Variants in CFAP61 observed in about 807,000 individuals in gnomAD.
CFAP61 encodes cilia and flagella associated protein 61.
A neutral mutation model predicts 135.6 loss-of-function variants in CFAP61; 107 were observed. The observed-to-expected ratio is 0.79, with a 90% CI of 0.67 to 0.93. The LOEUF (loss-of-function observed/expected upper bound fraction) is 0.93. CFAP61 is among the 40% of genes least tolerant of loss of function. CFAP61 has a pLI of 0.00. For synonymous variants in CFAP61, 575 were observed against 578.5 expected, an observed-to-expected ratio of 0.99 and a Z score of 0.09; for missense variants, 1,507 against 1,556.2, an observed-to-expected ratio of 0.97 and a Z score of 0.53.
chr20:20,348,462 C>T (rs1458657538), intron 26 of CFAP61, among the ~76,000 whole-genome samples: 1 of 151,954 alleles, frequency 6.6e-6, no homozygotes, highest in Non-Finnish European at 1.5e-5. Context: ...CCAAGGCAGG[C>T]AGATCATTTG....
chr20:20,188,079 C>T (rs760443455), intron 14 of CFAP61, 23 bp downstream of exon 14: 6 of 1,613,262 alleles, frequency 3.7e-6, no homozygotes, highest in Non-Finnish European at 5.1e-6. Flanking sequence ...TGTGACCAGA[C>T]CTCAGGATAT....
chr20:20,063,669 A>T (rs919947530), intron 2 of CFAP61, among the ~76,000 whole-genome samples: 1 of 152,196 alleles, frequency 6.6e-6, no homozygotes, highest in Admixed American at 6.5e-5. Context: ...GTAAATGAGG[A>T]TGCCTGTTGT....
At chr20:20,248,053 T>C (rs1396440451) in intron 19 of CFAP61, among the ~76,000 whole-genome samples, 1 of 152,228 alleles carries the variant, frequency 6.6e-6, no homozygotes, top group Non-Finnish European at 1.5e-5. Flanking sequence ...ATTTTTGCCT[T>C]TTTATTCATT....
intron 6 of CFAP61, among the ~76,000 whole-genome samples, chr20:20,077,235 C>T (rs1213952023): frequency 6.6e-6 from 1 of 152,170 alleles, no homozygotes; most frequent in East Asian, 1.9e-4. Context: ...TGCTACTCAG[C>T]AATTCAGTGG....
At chr20:20,313,133 G>A (rs2056925611) in intron 25 of CFAP61, among the ~76,000 whole-genome samples, 1 of 152,152 alleles carries the variant, frequency 6.6e-6, no homozygotes. Flanking sequence ...GAGATCATAA[G>A]GATGGGACTC....
chr20:20,167,365 T>C (rs564597491), intron 12 of CFAP61, among the ~76,000 whole-genome samples: 1 of 152,350 alleles, frequency 6.6e-6, no homozygotes, highest in African/African-American at 2.4e-5. Flanking sequence ...CAATGTAGAT[T>C]ACCCTGAACA....
rs1490771531 is a variant in CFAP61, at chr20:20,298,383, A to G, written c.3419A>G (p.Tyr1140Cys). The G allele has an allele frequency of 3.1e-6, 5 of 1,612,934 alleles. No homozygotes were observed. The highest frequency in any genetic ancestry group is 3.4e-6 in the Non-Finnish European group (4 of 1,179,076). The change falls in exon 25 of 27, where the codon TAT becomes TGT. Residue 1140 changes from tyrosine (Y) to cysteine (C), a missense_variant. By Grantham distance (194) the Tyr-to-Cys change is radical. Coordinates refer to ENST00000245957, the MANE Select transcript of CFAP61 (RefSeq NM_015585.4). ...RYDENLITDL[Y>C]SYFTEPWCLA... ...GATGAAAACCTGATCACAGATCTCT[A>G]TAGGTGAGTTGGACATTGCATTTGA...
chr20:20,260,556 A>G (rs1198443876), intron 20 of CFAP61, among the ~76,000 whole-genome samples: 4 of 152,228 alleles, frequency 2.6e-5, no homozygotes, highest in Non-Finnish European at 5.9e-5. Flanking sequence ...ATAGTAGAGA[A>G]GTATGCAAAA....
At chr20:20,171,837 G>A (rs151124857) in intron 13 of CFAP61, 10 of 691,136 alleles carry the variant, frequency 1.4e-5, no homozygotes, top group Non-Finnish European at 2.4e-5. Context: ...GGGCTCTGTG[G>A]CATGCAAGAG....
At chr20:20,168,108 G>T (rs939172403) in intron 12 of CFAP61, among the ~76,000 whole-genome samples, 6 of 152,054 alleles carry the variant, frequency 3.9e-5, no homozygotes, top group African/African-American at 1.2e-4. Context: ...AAGAGATAGG[G>T]TCTCACTTTG....
chr20:20,068,247 T>G (rs968070233), intron 2 of CFAP61, among the ~76,000 whole-genome samples: 8 of 152,210 alleles, frequency 5.3e-5, no homozygotes, highest in African/African-American at 1.2e-4. Context: ...AGAGCTGACA[T>G]GTACAGCGTC....
intron 18 of CFAP61, among the ~76,000 whole-genome samples, chr20:20,236,505 A>T (rs2049602370): frequency 6.6e-6 from 1 of 152,182 alleles, no homozygotes; most frequent in African/African-American, 2.4e-5. Context: ...TCACATCATT[A>T]CTTTGGGGCT....
intron 26 of CFAP61, among the ~76,000 whole-genome samples, chr20:20,345,942 C>T (rs1326133890): frequency 2.6e-4 from 32 of 122,708 alleles, no homozygotes; most frequent in Admixed American, 5.9e-4. Context: ...TCGCCCAGGC[C>T]GGACTGCGGA....
chr20:20,232,849 G>A (rs1335872408), intron 18 of CFAP61: 7 of 152,214 alleles, frequency 4.6e-5, no homozygotes, highest in Non-Finnish European at 8.8e-5. Context: ...GTGTCCCCGC[G>A]ACCCTCCGTG....
intron 18 of CFAP61, among the ~76,000 whole-genome samples, chr20:20,236,371 T>C (rs1191630296): frequency 1.3e-5 from 2 of 152,196 alleles, no homozygotes; most frequent in East Asian, 1.9e-4. Flanking sequence ...TGCTCAAAAT[T>C]GGCAGTCTCA....
Position 20,106,000 on chromosome 20 carries a change from CTATATATATATATATATATATATA to C in CFAP61, c.859+7213_859+7236del, listed in dbSNP as rs10523115. 9.4e-4 allele frequency among the ~76,000 whole-genome samples: 97 copies of C among 102,656 alleles called. 2 individuals are homozygous for C. The highest frequency in any genetic ancestry group is 1.5e-3 in the South Asian group (5 of 3,404). The allele number at this position is 102,656 out of a possible 152,430, so 67.3% of individuals were successfully genotyped here. ...CTTCGAAAGCTTTAGCTACTCTTGC[CTATATATATATATATATATATATA>C]TATATATATATATATATATATATAT... On this transcript the variant is annotated intron_variant, in intron 8 of 26. Coordinates refer to ENST00000245957, the MANE Select transcript of CFAP61 (RefSeq NM_015585.4).
chr20:20,194,110 A>T (rs575635577), intron 15 of CFAP61, among the ~76,000 whole-genome samples: 1 of 152,240 alleles, frequency 6.6e-6, no homozygotes, highest in African/African-American at 2.4e-5. Flanking sequence ...CTCTTTTGGC[A>T]GTTTGTCTTC....
At chr20:20,095,016 A>G (rs1444771281) in intron 7 of CFAP61, among the ~76,000 whole-genome samples, 1 of 152,236 alleles carries the variant, frequency 6.6e-6, no homozygotes, top group East Asian at 1.9e-4. Context: ...TATTATTAAA[A>G]ATTAAATTAT....
rs1266314002 is a variant in CFAP61 at position 20,128,464 on chromosome 20, TG to T, written c.860-14388del. Among the ~76,000 whole-genome samples the T allele has an allele frequency of 1.1e-4, 17 of 151,572 alleles. 2 individuals carry two copies. The highest frequency in any genetic ancestry group is 4.1e-4 in the African/African-American group (17 of 40,978). On this transcript the variant is annotated intron_variant, in intron 8 of 26. Coordinates refer to ENST00000245957, the MANE Select transcript of CFAP61 (RefSeq NM_015585.4). ...ACAAACAGACCTCCAGTTTCTGCAGTGGGGGTATGTATTTGGGAGAGGAGGA... is the reference window on the plus strand; with the variant it reads ...ACAAACAGACCTCCAGTTTCTGCAGTGGGGTATGTATTTGGGAGAGGAGGA...
Sources: allele counts gnomAD v4.1 joint callset (sites outside exome capture counted in the v4.1 genomes callset), GRCh38; gene constraint gnomAD v4.1.1; transcripts MANE v1.5; gene names NCBI Gene and HGNC (gene_info 2026-07-23, HGNC 2026-07-21).